The following SLC6A3 variants were observed in gnomAD, a reference collection of about 807,000 sequenced individuals.
The protein encoded by SLC6A3 is sodium-dependent dopamine transporter.
A neutral mutation model predicts 70.4 loss-of-function variants in SLC6A3; 19 were observed. That is an observed-to-expected ratio of 0.27 (90% CI 0.19 to 0.40). The LOEUF is 0.40. SLC6A3 is among the 10% of genes least tolerant of loss of function. SLC6A3 has a pLI of 1.00. For synonymous variants in SLC6A3, 368 were observed against 356.6 expected (o/e 1.03, Z -0.36); for missense variants, 613 against 838.5 (o/e 0.73, Z 3.32).
intron 9 of SLC6A3, among the ~76,000 whole-genome samples, chr5:1,410,596 C>T (rs1424414606): frequency 6.6e-6 from 1 of 152,204 alleles, no homozygotes; most frequent in Non-Finnish European, 1.5e-5. Flanking sequence ...AGGGGCCACA[C>T]ACAAAGCATT....
rs543487235 is a variant in SLC6A3 at position 1,402,190 on chromosome 5, G to A, written c.1767+732C>T. Among the ~76,000 whole-genome samples, 3 of 152,146 alleles carry A rather than the reference G, an allele frequency of 2.0e-5. No individual in the cohort carries two copies. The highest frequency in any genetic ancestry group is 1.9e-4 in the East Asian group (1 of 5,166). On this transcript the variant is annotated intron_variant, in intron 13 of 14. Transcript: ENST00000270349. This position sits in a 1 kb window ranked among gnomAD's most constrained non-coding sequence, Gnocchi z 8.5. ...GCTGGGATTTGAGGAAGCAGCTTCCGGGAGTTCCCAGTGGTGGGATCTCAG... is the reference window on the plus strand; with the variant it reads ...GCTGGGATTTGAGGAAGCAGCTTCCAGGAGTTCCCAGTGGTGGGATCTCAG...
intron 2 of SLC6A3, among the ~76,000 whole-genome samples, chr5:1,441,994 C>G (rs1733686350): frequency 6.6e-6 from 1 of 152,158 alleles, no homozygotes; most frequent in African/African-American, 2.4e-5. Context: ...GCCCCAGGTG[C>G]TGGGAGCCCC....
chr5:1,408,000 A>AT (rs11362775), intron 11 of SLC6A3, among the ~76,000 whole-genome samples: 17 of 147,534 alleles, frequency 1.2e-4, no homozygotes, highest in East Asian at 2.0e-4. Context: ...GGATCCACAC[A>AT]TTTTTTTTTT....
Position 1,400,936 on chromosome 5 carries a change from T to G in SLC6A3, c.1818A>C (p.Arg606Ser). Residue 606 changes from arginine to serine, a missense_variant, in exon 14 of 15, where the codon AGA (arginine) becomes AGC (serine). Physicochemically the swap from Arg to Ser is moderately radical, Grantham distance 110. This residue lies in a region of SLC6A3 where 348 missense variants were observed against 481.2 expected (regional missense o/e 0.72). Coordinates refer to ENST00000270349, the MANE Select transcript of SLC6A3 (RefSeq NM_001044.5). ...TCACCGTGAACTGGCGCACCTCCCC[T>G]CTGTCCACCAGCTCACGGTCCTTCT... ...APEKDRELVD[R>S]GEVRQFTLRH... 1 of 1,593,246 alleles carries G rather than the reference T, an allele frequency of 6.3e-7. No homozygotes were observed. The highest frequency in any genetic ancestry group is 8.6e-7 in the Non-Finnish European group (1 of 1,167,822).
intron 8 of SLC6A3, 58 bp downstream of exon 8, chr5:1,414,633 T>G (rs1756233775): frequency 6.3e-7 from 1 of 1,597,160 alleles, no homozygotes; most frequent in Non-Finnish European, 8.5e-7. Flanking sequence ...AAGGCTTTGC[T>G]GAGAGCTCGG....
In SLC6A3 at chr5:1,410,872, A is replaced by G. The variant is rs117399737; in HGVS notation, c.1269+371T>C. On this transcript the variant is annotated intron_variant, in intron 9 of 14. Coordinates refer to ENST00000270349, the MANE Select transcript of SLC6A3 (RefSeq NM_001044.5). ...TGTTCATGTATGTGTGCGTGTGTGC[A>G]TGTGTGTATGTGTGTGCATGCATGT... Among the ~76,000 whole-genome samples, 73 of 150,936 alleles carry G rather than the reference A, an allele frequency of 4.8e-4. No individual in the cohort carries two copies. The East Asian group carries it at 0.01, about 21-fold the overall frequency.
At chr5:1,443,291 G>T (rs2735851) in intron 1 of SLC6A3, 49 bp from the exon 2 acceptor site, 1 of 1,418,162 alleles carries the variant, frequency 7.1e-7, no homozygotes, top group Non-Finnish European at 9.9e-7. Flanking sequence ...CAACAATTCA[G>T]CAGCCAGGGC....
rs933479369 is a variant in SLC6A3 at position 1,436,758 on chromosome 5, C to T, written c.419-4060G>A. ...TGACAAACAGAAGCTGGCTGAGGGTCGTGCCTGCAAATGGTGCTTCGCCCA... is the reference window on the plus strand; with the variant it reads ...TGACAAACAGAAGCTGGCTGAGGGTTGTGCCTGCAAATGGTGCTTCGCCCA... On this transcript the variant is annotated intron_variant, in intron 3 of 14. Transcript: ENST00000270349. This position sits in a 1 kb window ranked among gnomAD's most constrained non-coding sequence, Gnocchi z 5.2. 3.3e-5 allele frequency among the ~76,000 whole-genome samples: 5 copies of T among 152,158 alleles called. No homozygotes were observed. The highest frequency in any genetic ancestry group is 2.1e-4 in the South Asian group (1 of 4,824).
At chr5:1,414,142 C>T (rs1253536440) in intron 8 of SLC6A3, among the ~76,000 whole-genome samples, 8 of 152,130 alleles carry the variant, frequency 5.3e-5, no homozygotes, top group African/African-American at 1.9e-4. Context: ...CCCAGCCTGC[C>T]TCCAGGTGTT....
At chr5:1,424,283 T>C (rs1281353101) in intron 4 of SLC6A3, among the ~76,000 whole-genome samples, 2 of 152,150 alleles carry the variant, frequency 1.3e-5, no homozygotes, top group Non-Finnish European at 2.9e-5. Flanking sequence ...CTGGTGGAGG[T>C]CACGCCTGCC....
chr5:1,418,103 G>C (rs1756349664), intron 6 of SLC6A3, among the ~76,000 whole-genome samples: 1 of 152,130 alleles, frequency 6.6e-6, no homozygotes, highest in African/African-American at 2.4e-5. Context: ...GGTGGGCAGT[G>C]GGTGGAGAGG....
At chr5:1,419,668 T>C (rs1268303363) in intron 6 of SLC6A3, among the ~76,000 whole-genome samples, 1 of 152,194 alleles carries the variant, frequency 6.6e-6, no homozygotes, top group African/African-American at 2.4e-5. Context: ...CGGCCACAGC[T>C]GATTTTGCTG....
chr5:1,438,277 G>A lies in SLC6A3; in HGVS notation c.418+3082C>T, dbSNP rs557069012. 4.6e-5 allele frequency among the ~76,000 whole-genome samples: 7 copies of A among 152,330 alleles called. No homozygotes were observed. Among genetic ancestry groups the A allele is most frequent in the South Asian group, 4.1e-4 (2 of 4,826 alleles). ...CAGGGCCACGAGCCTTCCTTCCTGC[G>A]GCCACACTTTGCAGCCCTCCTCTGG... is the stretch of plus-strand genomic sequence containing the variant. On this transcript the variant is annotated intron_variant, in intron 3 of 14. Transcript: ENST00000270349. This position sits in a 1 kb window ranked among gnomAD's most constrained non-coding sequence, Gnocchi z 6.5.
Position 1,424,760 on chromosome 5 carries a change from C to G in SLC6A3, c.654-2746G>C, listed in dbSNP as rs116424405. ...CATTAAACATGAAAGCAACTTCAGA[C>G]GCAGCACCTTGACACACTGGGTCGA... On this transcript the variant is annotated intron_variant, in intron 4 of 14. Transcript: ENST00000270349. 7.4e-3 allele frequency among the ~76,000 whole-genome samples: 1,133 copies of G among 152,336 alleles called. 16 individuals are homozygous for G. Among genetic ancestry groups the G allele is most frequent in the African/African-American group, 0.026 (1,061 of 41,570 alleles).
intron 1 of SLC6A3, among the ~76,000 whole-genome samples, chr5:1,443,611 A>C (rs901317652): frequency 1.6e-4 from 25 of 152,292 alleles, no homozygotes; most frequent in African/African-American, 6.0e-4. Flanking sequence ...CCAGAGAGCA[A>C]TTTTACAATC....
intron 4 of SLC6A3, among the ~76,000 whole-genome samples, chr5:1,428,302 T>C (rs1388720519): frequency 2.0e-5 from 3 of 152,150 alleles, no homozygotes; most frequent in African/African-American, 7.2e-5. Context: ...CTGAATGAAA[T>C]GAAAACACAG....
chr5:1,410,535 G>T (rs528132591), intron 9 of SLC6A3, among the ~76,000 whole-genome samples: 82 of 152,224 alleles, frequency 5.4e-4, no homozygotes, highest in Admixed American at 9.8e-4. Flanking sequence ...AGTCCAGCAG[G>T]CCCAGGGCCG....
At chr5:1,409,189 G>A (rs892474678) in intron 10 of SLC6A3, 64 bp from the exon 11 acceptor site, 9 of 1,176,166 alleles carry the variant, frequency 7.7e-6, no homozygotes, top group African/African-American at 1.5e-5. Context: ...CCCAGCCTGG[G>A]GATTCACTGT....
chr5:1,420,773 G>A lies in SLC6A3; in HGVS notation c.793-70C>T, dbSNP rs1471799379. 3 of 1,574,166 alleles carry A rather than the reference G, an allele frequency of 1.9e-6. No individual in the cohort carries two copies. The African/African-American group carries it at 4.0e-5, about 21-fold the overall frequency. ...TGGTGGGAGCAGACACTGGCACAAG[G>A]GCACCGGGTTGCCCTGACGGCTTGT... On this transcript the variant is annotated intron_variant, in intron 5 of 14. Transcript: ENST00000270349.
Sources: gnomAD v4.1 joint callset for allele counts (sites outside exome capture counted in the v4.1 genomes callset) on GRCh38, gnomAD v4.1.1 for gene constraint, gnomAD v4.1.1 regional missense constraint, Gnocchi (gnomAD v3.1) non-coding constraint, MANE v1.5 for transcripts, NCBI Gene and HGNC (gene_info 2026-07-23, HGNC 2026-07-21) for gene names.